Variants in NRXN1 observed in about 807,000 individuals in gnomAD.
NRXN1 encodes the protein neurexin-1.
In NRXN1, 39 loss-of-function variants were observed where a neutral mutation model predicts 150.9. That is an observed-to-expected ratio of 0.26 (90% CI 0.20 to 0.34). The LOEUF is 0.34. Ranked by LOEUF, NRXN1 falls within the 10% of genes least tolerant of loss-of-function variation. The pLI is 1.00. For synonymous variants in NRXN1, 924 were observed against 757.0 expected, an observed-to-expected ratio of 1.22 and a Z score of -3.62; for missense variants, 1,815 against 1,949.9, an observed-to-expected ratio of 0.93 and a Z score of 1.30.
chr2:49,939,891 G>C (rs931015054), intron 22 of NRXN1, among the ~76,000 whole-genome samples: 22 of 152,154 alleles, frequency 1.4e-4, no homozygotes, highest in African/African-American at 5.3e-4. Flanking sequence ...CAATGTTGAA[G>C]CTGATAACCC....
intron 18 of NRXN1, among the ~76,000 whole-genome samples, chr2:50,106,873 A>T (rs1053509735): frequency 1.3e-5 from 2 of 152,010 alleles, no homozygotes; most frequent in Admixed American, 6.6e-5. Flanking sequence ...CATTTAGCTT[A>T]AACATCATAA....
intron 18 of NRXN1, among the ~76,000 whole-genome samples, chr2:50,106,571 G>C (rs1274597120): frequency 6.6e-6 from 1 of 151,946 alleles, no homozygotes. Context: ...ATTTAAGTTA[G>C]GGCCAAGATG....
At chr2:50,963,715 A>G (rs1693571918) in intron 2 of NRXN1, among the ~76,000 whole-genome samples, 1 of 151,640 alleles carries the variant, frequency 6.6e-6, no homozygotes, top group Non-Finnish European at 1.5e-5. Flanking sequence ...TAGCAGAGTG[A>G]CTAACTGATA....
chr2:50,373,628 A>G (rs1558619802), intron 17 of NRXN1, among the ~76,000 whole-genome samples: 3 of 39,966 alleles, frequency 7.5e-5, no homozygotes, highest in Admixed American at 4.8e-4. Context: ...AGAGAAAGAA[A>G]AGAAAGAAAG....
chr2:50,475,591 C>A (rs990736937), intron 15 of NRXN1, among the ~76,000 whole-genome samples: 1 of 152,014 alleles, frequency 6.6e-6, no homozygotes, highest in African/African-American at 2.4e-5. Context: ...CAGAAAATAT[C>A]AGTTCAAGCA....
intron 5 of NRXN1, among the ~76,000 whole-genome samples, chr2:50,808,676 G>C (rs1667828613): frequency 6.6e-6 from 1 of 151,976 alleles, no homozygotes; most frequent in Admixed American, 6.6e-5. Flanking sequence ...TAAAATACTT[G>C]GCCTCTGATA....
chr2:49,973,981 C>G, intron 21 of NRXN1: 1 of 717,376 alleles, frequency 1.4e-6, no homozygotes. Flanking sequence ...CAAGTTTTCA[C>G]AGTGCCATCT....
intron 19 of NRXN1, among the ~76,000 whole-genome samples, chr2:50,070,129 T>A (rs1325250571): frequency 6.6e-6 from 1 of 151,876 alleles, no homozygotes; most frequent in Non-Finnish European, 1.5e-5. Context: ...AGATTACAGG[T>A]GTGAGCCACT....
intron 17 of NRXN1, among the ~76,000 whole-genome samples, chr2:50,297,211 G>T (rs962539263): frequency 6.6e-6 from 1 of 152,036 alleles, no homozygotes; most frequent in East Asian, 1.9e-4. Flanking sequence ...TTTAATGGCT[G>T]TATAGTATTC....
At chr2:50,060,542 G>T (rs6545148) in intron 19 of NRXN1, among the ~76,000 whole-genome samples, 2,418 of 151,974 alleles carry the variant, frequency 0.016, 76 homozygotes, top group African/African-American at 0.055. Context: ...TGAAATGTGA[G>T]GGCATGAGAT....
chr2:50,777,054 G>A (rs910682951), intron 5 of NRXN1, among the ~76,000 whole-genome samples: 1 of 152,106 alleles, frequency 6.6e-6, no homozygotes, highest in Non-Finnish European at 1.5e-5. Flanking sequence ...AGCTTTCAAA[G>A]TTAGAATGTC....
At chr2:50,850,725 T>A (rs1199356573) in intron 5 of NRXN1, among the ~76,000 whole-genome samples, 2 of 145,940 alleles carry the variant, frequency 1.4e-5, no homozygotes, top group Non-Finnish European at 3.1e-5. Context: ...AAAATCAATA[T>A]CAAAGATTAA....
intron 17 of NRXN1, among the ~76,000 whole-genome samples, chr2:50,446,558 C>G (rs1172171085): frequency 8.1e-6 from 1 of 124,172 alleles, no homozygotes; most frequent in Non-Finnish European, 1.6e-5. Context: ...TTCCCTCCTT[C>G]TTTCCTTCCT....
chr2:50,261,173 A>G (rs2068230508), intron 17 of NRXN1, among the ~76,000 whole-genome samples: 1 of 151,740 alleles, frequency 6.6e-6, no homozygotes, highest in South Asian at 2.1e-4. Flanking sequence ...CCACCTCACT[A>G]ACTCTGAAGC....
At chr2:50,956,136 G>T (rs1692244535) in intron 2 of NRXN1, among the ~76,000 whole-genome samples, 1 of 152,000 alleles carries the variant, frequency 6.6e-6, no homozygotes, top group East Asian at 1.9e-4. Flanking sequence ...GCTGTTACCA[G>T]AGGTACACAA....
chr2:50,951,963 A>ATATATAT (rs1387961788), intron 2 of NRXN1, among the ~76,000 whole-genome samples: 23 of 74,814 alleles, frequency 3.1e-4, no homozygotes, highest in African/African-American at 7.2e-4. Context: ...ATATATATAT[A>ATATATAT]TTTTTTTTTT....
At chr2:50,913,461 T>C (rs1324926710) in intron 5 of NRXN1, among the ~76,000 whole-genome samples, 1 of 151,808 alleles carries the variant, frequency 6.6e-6, no homozygotes, top group East Asian at 1.9e-4. Context: ...GTTTCCCAGG[T>C]AACTCAAGCC....
In NRXN1 at chr2:51,028,045, C is replaced by T; in HGVS notation, c.229G>A (p.Asp77Asn). 6.3e-7 allele frequency: 1 copy of T among 1,598,900 alleles called. No individual in the cohort carries two copies. Among genetic ancestry groups the T allele is most frequent in the Non-Finnish European group, 8.5e-7 (1 of 1,176,534 alleles). Residue 77 changes from aspartate (D) to asparagine (N), a missense_variant, in exon 2 of 23, where the codon GAC becomes AAC. Around this residue, in one of 6 missense-constraint regions of NRXN1, gnomAD observed 554 missense variants for 478.8 expected, o/e 1.16. Transcript: ENST00000401669. ...CGCGTCAGAATCAGCTCCAGGAAGT[C>T]GCAGAAGCCCTCGTCGTCGAAGTAG... ...VLYFDDEGFCDFLELILTRGG... is the reference protein window; with the variant it reads ...VLYFDDEGFCNFLELILTRGG...
chr2:50,360,213 A>G (rs1475596698), intron 17 of NRXN1, among the ~76,000 whole-genome samples: 1 of 152,214 alleles, frequency 6.6e-6, no homozygotes, highest in East Asian at 1.9e-4. Flanking sequence ...ACTAATGGGC[A>G]AAGTAACCAA....
Sources: allele counts gnomAD v4.1 joint callset (sites outside exome capture counted in the v4.1 genomes callset), GRCh38; gene constraint gnomAD v4.1.1; regional missense constraint gnomAD v4.1.1; transcripts MANE v1.5; gene names NCBI Gene and HGNC (gene_info 2026-07-23, HGNC 2026-07-21).